PKIB: variants seen among roughly 807,000 people sequenced by gnomAD.
The protein encoded by PKIB is cAMP-dependent protein kinase inhibitor beta.
In PKIB, 2 loss-of-function variants were observed where a neutral mutation model predicts 4.5. The observed-to-expected ratio is 0.44, with a 90% CI of 0.18 to 1.39. PKIB has a LOEUF of 1.39. Among genes scored for constraint, PKIB ranks in the 40% most tolerant of loss-of-function variants. PKIB has a pLI of 0.27. For synonymous variants in PKIB, 38 were observed against 36.0 expected (o/e 1.06, Z -0.20); for missense variants, 94 against 92.6 (o/e 1.02, Z -0.06).
Position 122,500,090 on chromosome 6 carries a change from G to T in PKIB, c.-248+22151G>T, listed in dbSNP as rs141599592. Among the ~76,000 whole-genome samples, 1,064 of 152,256 alleles carry T rather than the reference G, an allele frequency of 7.0e-3. 8 individuals carry two copies. The highest frequency in any genetic ancestry group is 0.01 in the Non-Finnish European group (684 of 68,022). On this transcript the variant is annotated intron_variant, in intron 2 of 6. Coordinates refer to the PKIB transcript ENST00000392491. ...AAAAATATTACATGCCCATGGATTGGAAGAATCATATTATTAAAATGGCCA... is the reference window on the plus strand; with the variant it reads ...AAAAATATTACATGCCCATGGATTGTAAGAATCATATTATTAAAATGGCCA...
intron 1 of PKIB, among the ~76,000 whole-genome samples, chr6:122,618,306 C>T (rs530946155): frequency 6.6e-6 from 1 of 152,244 alleles, no homozygotes; most frequent in Admixed American, 6.5e-5. Flanking sequence ...GAATCACAGA[C>T]ATGAAAATAC....
chr6:122,685,749 T>C (rs1172942088), intron 3 of PKIB, among the ~76,000 whole-genome samples: 2 of 152,142 alleles, frequency 1.3e-5, no homozygotes, highest in Admixed American at 6.5e-5. Flanking sequence ...GGTCTTATTC[T>C]TTCTATATTT....
rs1475996025 is a variant in PKIB, at chr6:122,702,223, GCTAC to G, written c.-8-15562_-8-15559del. Among the ~76,000 whole-genome samples the G allele has an allele frequency of 1.6e-3, 250 of 152,086 alleles. 2 individuals are homozygous for G. The highest frequency in any genetic ancestry group is 5.7e-3 in the African/African-American group (238 of 41,470). On this transcript the variant is annotated intron_variant, in intron 3 of 4. Coordinates refer to ENST00000368452, the MANE Select transcript of PKIB (RefSeq NM_181795.3). ...ACAAAAGTCATGCTGAGAATATAAGGCTACCAATCTGGTATTGCCCCAGCAGAGG... is the reference window on the plus strand; with the variant it reads ...ACAAAAGTCATGCTGAGAATATAAGGCAATCTGGTATTGCCCCAGCAGAGG...
At chr6:122,700,188 G>GTTGTTT (rs2115023999) in intron 3 of PKIB, among the ~76,000 whole-genome samples, 1 of 128,916 alleles carries the variant, frequency 7.8e-6, no homozygotes, top group South Asian at 3.3e-4. Context: ...TGTTGTTGTT[G>GTTGTTT]TTGTTGGTTC....
chr6:122,485,922 AT>A (rs576573791), intron 2 of PKIB, among the ~76,000 whole-genome samples: 2 of 152,122 alleles, frequency 1.3e-5, no homozygotes, highest in African/African-American at 4.8e-5. Context: ...TCTCTCTTCT[AT>A]TTTTTTGTCC....
chr6:122,603,723 C>T (rs190036153), intron 3 of PKIB, among the ~76,000 whole-genome samples: 88 of 152,266 alleles, frequency 5.8e-4, no homozygotes, highest in African/African-American at 2.1e-3. Flanking sequence ...TCAAGTGTTC[C>T]GCCCACCTTG....
At chr6:122,525,074 G>A (rs1451181290) in intron 2 of PKIB, among the ~76,000 whole-genome samples, 1 of 149,646 alleles carries the variant, frequency 6.7e-6, no homozygotes, top group South Asian at 2.1e-4. Context: ...TTTTTTAAAT[G>A]TATGCATTTA....
At chr6:122,545,044 A>G (rs1192197246) in intron 2 of PKIB, among the ~76,000 whole-genome samples, 5 of 152,108 alleles carry the variant, frequency 3.3e-5, no homozygotes, top group Admixed American at 6.5e-5. Flanking sequence ...GCTCGTGGGA[A>G]TGTAAATTTG....
intron 2 of PKIB, among the ~76,000 whole-genome samples, chr6:122,485,482 GAT>G (rs1195818090): frequency 6.6e-6 from 1 of 152,100 alleles, no homozygotes; most frequent in African/African-American, 2.4e-5. Context: ...TTAGGTAAAA[GAT>G]ATGTCAGTGG....
rs564587900 is a variant in PKIB, at chr6:122,601,688, AGT to A, written c.-161+15682_-161+15683del. 2.6e-5 allele frequency among the ~76,000 whole-genome samples: 4 copies of A among 152,296 alleles called. No individual in the cohort carries two copies. The East Asian group carries it at 7.7e-4, about 29-fold the overall frequency. On this transcript the variant is annotated intron_variant, in intron 3 of 6. Transcript: ENST00000392491. ...AATGATGGATTTCCACTTAATATATAGTATATATATTGTCTCTTCCTTATGAC... is the reference window on the plus strand; with the variant it reads ...AATGATGGATTTCCACTTAATATATAATATATATTGTCTCTTCCTTATGAC...
At chr6:122,527,965 A>C (rs1200211778) in intron 2 of PKIB, among the ~76,000 whole-genome samples, 2 of 152,164 alleles carry the variant, frequency 1.3e-5, no homozygotes, top group Non-Finnish European at 2.9e-5. Context: ...CACTATTGAA[A>C]GTATTGAAGT....
At chr6:122,569,977 G>C (rs890008829) in intron 2 of PKIB, among the ~76,000 whole-genome samples, 1 of 152,100 alleles carries the variant, frequency 6.6e-6, no homozygotes, top group Non-Finnish European at 1.5e-5. Context: ...ATTCCCATGA[G>C]TACACCACTG....
At chr6:122,717,736 C>T (rs1292221327) in intron 3 of PKIB, 51 bp from the exon 4 acceptor site, 2 of 1,577,190 alleles carry the variant, frequency 1.3e-6, no homozygotes, top group South Asian at 1.1e-5. Flanking sequence ...CTGTGGTGAA[C>T]ATTTACTTCT....
chr6:122,705,653 G>A (rs12202638), intron 3 of PKIB, among the ~76,000 whole-genome samples: 22 of 144,904 alleles, frequency 1.5e-4, no homozygotes, highest in Admixed American at 5.1e-4. Context: ...GCAACCTCCA[G>A]CTCCCTGGTT....
intron 2 of PKIB, among the ~76,000 whole-genome samples, chr6:122,673,369 A>G (rs1213360101): frequency 6.6e-6 from 1 of 152,156 alleles, no homozygotes; most frequent in East Asian, 1.9e-4. Flanking sequence ...TGTTTTCTTA[A>G]TCATGTCTTT....
At chr6:122,608,401 G>A (rs1952977035), upstream of PKIB, among the ~76,000 whole-genome samples, 2 of 152,176 alleles carry the variant, frequency 1.3e-5, no homozygotes, top group Non-Finnish European at 2.9e-5. Flanking sequence ...TGGAATTACT[G>A]CTACCACCAA....
chr6:122,685,091 C>T (rs1448802429), intron 3 of PKIB, among the ~76,000 whole-genome samples: 2 of 151,994 alleles, frequency 1.3e-5, no homozygotes, highest in African/African-American at 4.8e-5. Flanking sequence ...GTCACTTGCC[C>T]CCGGTCATAG....
In PKIB at chr6:122,623,145, G is replaced by T. The variant is rs543473133; in HGVS notation, c.-160-10138G>T. ...AGTATTTGATTTAATATCGATAAAA[G>T]AATTTGCCACTAATATTTGAGATAT... On this transcript the variant is annotated intron_variant, in intron 1 of 4. Coordinates refer to ENST00000368452, the MANE Select transcript of PKIB (RefSeq NM_181795.3). Among the ~76,000 whole-genome samples the T allele has an allele frequency of 3.9e-5, 6 of 152,270 alleles. No individual in the cohort carries two copies. The South Asian group carries it at 1.2e-3, about 32-fold the overall frequency.
At chr6:122,575,240 G>T (rs1280455739) in intron 2 of PKIB, among the ~76,000 whole-genome samples, 1 of 152,006 alleles carries the variant, frequency 6.6e-6, no homozygotes, top group Non-Finnish European at 1.5e-5. Context: ...TAAGTAAAAA[G>T]TCAAAAAACA....
Sources: gnomAD v4.1 joint callset for allele counts (sites outside exome capture counted in the v4.1 genomes callset) on GRCh38, gnomAD v4.1.1 for gene constraint, MANE v1.5 for transcripts, NCBI Gene and HGNC (gene_info 2026-07-23, HGNC 2026-07-21) for gene names.